IPO8: variants seen among roughly 807,000 people sequenced by gnomAD.
IPO8 encodes importin-8.
In IPO8, 65 loss-of-function variants were observed where a neutral mutation model predicts 141.2. The ratio of observed to expected loss-of-function variants is 0.46; its 90% CI spans 0.38 to 0.57. The LOEUF is 0.57. Ranked by LOEUF, IPO8 falls within the 20% of genes least tolerant of loss-of-function variation. The pLI is 0.00. For missense variants in IPO8, 980 were observed against 1,246.8 expected, an observed-to-expected ratio of 0.79 and a Z score of 3.22; for synonymous variants, 411 against 420.3, an observed-to-expected ratio of 0.98 and a Z score of 0.27.
At chr12:30,668,840 G>C (rs7980510) in intron 10 of IPO8, among the ~76,000 whole-genome samples, 27,559 of 152,120 alleles carry the variant, frequency 0.18, 3,123 homozygotes, top group East Asian at 0.3. Context: ...GAAATCCAAA[G>C]TATTTCCCAC....
chr12:30,687,853 C>G (rs1249056786), intron 2 of IPO8, among the ~76,000 whole-genome samples: 2 of 152,104 alleles, frequency 1.3e-5, no homozygotes, highest in Non-Finnish European at 2.9e-5. Context: ...TTCTCCCTGT[C>G]CATCCTTTGG....
At chr12:30,683,356 G>A (rs960391373) in intron 3 of IPO8, among the ~76,000 whole-genome samples, 3 of 152,026 alleles carry the variant, frequency 2.0e-5, no homozygotes, top group African/African-American at 4.8e-5. Context: ...GTTACCCGTC[G>A]TACTTCCTTC....
chr12:30,631,990 G>A lies in IPO8; in HGVS notation c.2921C>T (p.Ala974Val). ...TGGTGCCATCAGCAGCTGGTACCAG[G>A]CTGCATCTCGACTCTGCACAGCTGT... ...ALITVQSRDA[A>V]WYQLLMAPLS... is the part of the protein sequence containing the mutation. Residue 974 changes from alanine (A) to valine (V), a missense_variant, in exon 24 of 25, where the codon GCC (alanine) becomes GTC (valine). Around this residue, in one of 3 missense-constraint regions of IPO8, gnomAD observed 924 missense variants for 1,153.9 expected, o/e 0.80. Transcript: ENST00000256079. The A allele has an allele frequency of 6.2e-7, 1 of 1,612,310 alleles. No individual in the cohort carries two copies. The highest frequency in any genetic ancestry group is 1.1e-5 in the South Asian group (1 of 91,044).
intron 6 of IPO8, among the ~76,000 whole-genome samples, chr12:30,675,904 A>C (rs1255426687): frequency 6.6e-6 from 1 of 151,968 alleles, no homozygotes; most frequent in Non-Finnish European, 1.5e-5. Flanking sequence ...CATAATCATA[A>C]AAATATTTGT....
intron 16 of IPO8, 92 bp from the exon 17 acceptor site, chr12:30,656,842 T>A: frequency 1.7e-6 from 1 of 583,270 alleles, no homozygotes. Flanking sequence ...GAGGACATTT[T>A]TGAGACGGTA....
At chr12:30,686,885 A>T (rs952095762) in intron 2 of IPO8, among the ~76,000 whole-genome samples, 3 of 152,140 alleles carry the variant, frequency 2.0e-5, no homozygotes, top group African/African-American at 7.2e-5. Flanking sequence ...GCCTTTAAAA[A>T]AGGCACACTG....
In IPO8 at chr12:30,630,729, C is replaced by T. The variant is rs2136119996; in HGVS notation, c.*131G>A. The T allele has an allele frequency of 1.5e-6, 1 of 677,682 alleles. No homozygotes were observed. The highest frequency in any genetic ancestry group is 2.6e-5 in the East Asian group (1 of 39,000). 42.0% of individuals were successfully genotyped at this position (677,682 alleles called of 1,614,324 possible). On this transcript the variant is annotated 3_prime_UTR_variant, in exon 25 of 25. Transcript: ENST00000256079. ...GGGAAAGAGTAGATAAAAGTGCTGC[C>T]TAATGCCAGATGGTAACTGGCACAG...
chr12:30,641,337 G>A (rs2052571079), intron 20 of IPO8, among the ~76,000 whole-genome samples: 1 of 152,042 alleles, frequency 6.6e-6, no homozygotes, highest in African/African-American at 2.4e-5. Context: ...TTTAATGAAA[G>A]GATGAACTAA....
At chr12:30,693,296 T>C (rs548940133) in intron 1 of IPO8, among the ~76,000 whole-genome samples, 1 of 152,314 alleles carries the variant, frequency 6.6e-6, no homozygotes, top group Non-Finnish European at 1.5e-5. Flanking sequence ...CAAATACATT[T>C]TCCCACAGAA....
chr12:30,653,217 G>T, intron 17 of IPO8, 125 bp from the exon 18 acceptor site: 1 of 749,948 alleles, frequency 1.3e-6, no homozygotes, highest in Non-Finnish European at 2.1e-6. Flanking sequence ...GTACTCATAA[G>T]CCTCCCTTTC....
At chr12:30,671,949 TAAAGA>T (rs1297552063) in intron 8 of IPO8, among the ~76,000 whole-genome samples, 1 of 152,006 alleles carries the variant, frequency 6.6e-6, no homozygotes. Context: ...CAGGATTCCT[TAAAGA>T]AAACATGGGA....
chr12:30,631,815 G>C, intron 24 of IPO8, 80 bp downstream of exon 24: 1 of 817,306 alleles, frequency 1.2e-6, no homozygotes, highest in Admixed American at 2.2e-5. Flanking sequence ...CAGTGTTTAG[G>C]TGCCACCTGG....
rs1018709066 is a variant in IPO8 at position 30,630,478 on chromosome 12, C to A, written c.*382G>T. ...TGCAATGCACTCCAAAAATTTTTTT[C>A]TGATAATTCATGTACAACAGAAGGC... On this transcript the variant is annotated 3_prime_UTR_variant, in exon 25 of 25. Coordinates refer to ENST00000256079, the MANE Select transcript of IPO8 (RefSeq NM_006390.4). 3 of 180,756 alleles carry A rather than the reference C, an allele frequency of 1.7e-5. No homozygotes were observed. Among genetic ancestry groups the A allele is most frequent in the African/African-American group, 7.0e-5 (3 of 42,614 alleles). The allele number at this position is 180,756 out of a possible 1,614,324, so 11.2% of individuals were successfully genotyped here.
chr12:30,656,440 C>G (rs142537738), intron 17 of IPO8, among the ~76,000 whole-genome samples: 1 of 152,152 alleles, frequency 6.6e-6, no homozygotes, highest in East Asian at 1.9e-4. Flanking sequence ...TAGCAATGTA[C>G]AATTTAAAAT....
At chr12:30,669,132 T>C in intron 10 of IPO8, 51 bp downstream of exon 10, 1 of 764,872 alleles carries the variant, frequency 1.3e-6, no homozygotes, top group Non-Finnish European at 2.2e-6. Flanking sequence ...AATTTAGTTA[T>C]ATTACTTTAC....
chr12:30,645,610 A>G (rs368927910), intron 20 of IPO8, among the ~76,000 whole-genome samples: 42 of 152,270 alleles, frequency 2.8e-4, no homozygotes, highest in Middle Eastern at 3.4e-3. Context: ...CAAAATTGAT[A>G]AACTTTTAGT....
chr12:30,688,617 C>G (rs2053264622), intron 2 of IPO8: 1 of 172,602 alleles, frequency 5.8e-6, no homozygotes, highest in Non-Finnish European at 1.3e-5. Context: ...ATAAATACCA[C>G]TTAAATTTAG....
Position 30,690,553 on chromosome 12 carries a change from G to T in IPO8, c.109C>A (p.Pro37Thr). The T allele has an allele frequency of 6.3e-7, 1 of 1,587,868 alleles. No individual in the cohort carries two copies. Among genetic ancestry groups the T allele is most frequent in the Non-Finnish European group, 8.6e-7 (1 of 1,166,962 alleles). Residue 37 changes from proline (P) to threonine (T), a missense_variant, in exon 2 of 25, where the codon CCC (proline) becomes ACC (threonine). Transcript: ENST00000256079. ...NQSYKIINFA[P>T]SLLRIIVSDH... Reference sequence around the variant, plus strand: ...GAGACTATAATCCGAAGTAAACTGGGGGCAAAATTGATAATCTTGTAGGAC... The same window carrying T: ...GAGACTATAATCCGAAGTAAACTGGTGGCAAAATTGATAATCTTGTAGGAC...
chr12:30,688,343 T>C, intron 2 of IPO8: 1 of 389,414 alleles, frequency 2.6e-6, no homozygotes, highest in South Asian at 1.9e-5. Context: ...CACAGTAAGG[T>C]AAGAAAGGAC....
Sources: allele counts gnomAD v4.1 joint callset (sites outside exome capture counted in the v4.1 genomes callset), GRCh38; gene constraint gnomAD v4.1.1; regional missense constraint gnomAD v4.1.1; transcripts MANE v1.5; gene names NCBI Gene and HGNC (gene_info 2026-07-23, HGNC 2026-07-21).